ATRNL1: variants seen among roughly 807,000 people sequenced by gnomAD.
ATRNL1 encodes attractin like 1, also known as attractin-like protein 1.
ATRNL1 carries 95 observed loss-of-function variants against 182.7 expected under a neutral mutation model. The ratio of observed to expected loss-of-function variants is 0.52; its 90% confidence interval spans 0.44 to 0.62. The LOEUF (loss-of-function observed/expected upper bound fraction) is 0.62, where lower values mean the gene tolerates loss of function less well. ATRNL1 is among the 20% of genes least tolerant of loss of function. The pLI is 0.00. For synonymous variants in ATRNL1, 576 were observed against 568.3 expected, an observed-to-expected ratio of 1.01 and a Z score of -0.19; for missense variants, 1,471 against 1,679.5, an observed-to-expected ratio of 0.88 and a Z score of 2.17.
At chr10:115,334,637 A>G (rs1326813446) in intron 19 of ATRNL1, among the ~76,000 whole-genome samples, 1 of 152,336 alleles carries the variant, frequency 6.6e-6, no homozygotes, top group Admixed American at 6.5e-5. Context: ...AAATGAATGC[A>G]TGTTTCTTAT....
Position 115,804,303 on chromosome 10 carries a change from G to C in ATRNL1, c.3904-43574G>C, listed in dbSNP as rs573815941. On this transcript the variant is annotated intron_variant, in intron 27 of 28. Transcript: ENST00000355044. ...AAATACTTGAATTCATGCTATTATG[G>C]CCTGAATGTTTGTGTCCCTTTACAG... 5.9e-5 allele frequency among the ~76,000 whole-genome samples: 9 copies of C among 152,206 alleles called. No homozygotes were observed. The South Asian group carries it at 1.9e-3, about 32-fold the overall frequency.
intron 27 of ATRNL1, among the ~76,000 whole-genome samples, chr10:115,782,788 G>T (rs1555079595): frequency 6.6e-6 from 1 of 152,186 alleles, no homozygotes; most frequent in African/African-American, 2.4e-5. Flanking sequence ...CATAGCAGCA[G>T]TCATAAAAAT....
chr10:115,499,458 G>A lies in ATRNL1; in HGVS notation c.3655-19805G>A, dbSNP rs969571471. Among the ~76,000 whole-genome samples, 6 of 152,170 alleles carry A rather than the reference G, an allele frequency of 3.9e-5. No individual in the cohort carries two copies. In the South Asian group the frequency reaches 1.2e-3, roughly 32 times the overall value. On this transcript the variant is annotated intron_variant, in intron 24 of 28. Transcript: ENST00000355044. The stretch of plus-strand genomic sequence containing the variant: ...AGACAGGTGTCAGTTAATTTAGAAA[G>A]CTTATTTGCCAAGGTTGAGGACATG...
chr10:115,541,250 T>G (rs11197283), intron 25 of ATRNL1, among the ~76,000 whole-genome samples: 106,454 of 151,956 alleles, frequency 0.7, 38,391 homozygotes, highest in African/African-American at 0.79. Flanking sequence ...AAAATGACAA[T>G]AGACTGACAT....
intron 24 of ATRNL1, among the ~76,000 whole-genome samples, chr10:115,470,737 C>T (rs575644701): frequency 7.3e-5 from 11 of 150,248 alleles, no homozygotes; most frequent in South Asian, 2.1e-4. Flanking sequence ...ATTTGTGTAA[C>T]GAGGTTGAAA....
chr10:115,286,630 A>T (rs562826435), intron 15 of ATRNL1, among the ~76,000 whole-genome samples: 43 of 152,080 alleles, frequency 2.8e-4, no homozygotes, highest in African/African-American at 9.6e-4. Flanking sequence ...CCAAGAAGTG[A>T]TCTTATATGA....
At chr10:115,751,468 C>T (rs1041285390) in intron 27 of ATRNL1, among the ~76,000 whole-genome samples, 10 of 152,078 alleles carry the variant, frequency 6.6e-5, no homozygotes, top group Middle Eastern at 3.4e-3. Flanking sequence ...CAGGCACTTT[C>T]ATTTATTGTT....
chr10:115,216,574 TTA>T lies in ATRNL1; in HGVS notation c.1532+696_1532+697del, dbSNP rs549355717. ...CCTACTCATATCCATAATATTCTCT[TTA>T]TGTTTGAAATATTATTAATTAATTT... On this transcript the variant is annotated intron_variant, in intron 9 of 28. Coordinates refer to ENST00000355044, the MANE Select transcript of ATRNL1 (RefSeq NM_207303.4). Among the ~76,000 whole-genome samples, 8 of 152,246 alleles carry T rather than the reference TTA, an allele frequency of 5.3e-5. No individual in the cohort carries two copies. The South Asian group carries it at 1.4e-3, about 28-fold the overall frequency.
intron 8 of ATRNL1, among the ~76,000 whole-genome samples, chr10:115,196,629 T>G (rs1180965412): frequency 6.6e-6 from 1 of 152,076 alleles, no homozygotes; most frequent in Non-Finnish European, 1.5e-5. Context: ...TATACTGGTG[T>G]TGTACATAGT....
chr10:115,102,447 C>CAT, intron 1 of ATRNL1, among the ~76,000 whole-genome samples: 1 of 151,454 alleles, frequency 6.6e-6, no homozygotes, highest in African/African-American at 2.4e-5. Flanking sequence ...TATATATATA[C>CAT]ACATACATAT....
At chr10:115,267,417 G>A (rs1851653279) in intron 12 of ATRNL1, among the ~76,000 whole-genome samples, 2 of 151,328 alleles carry the variant, frequency 1.3e-5, no homozygotes, top group South Asian at 2.1e-4. Context: ...GTAAAAAAAT[G>A]TTACAGCATT....
chr10:115,255,990 C>G (rs990251032), intron 10 of ATRNL1, among the ~76,000 whole-genome samples: 1 of 152,166 alleles, frequency 6.6e-6, no homozygotes, highest in Admixed American at 6.5e-5. Flanking sequence ...ATAAAGCTGA[C>G]TTGATCGTGG....
At chr10:115,247,528 A>G (rs1421204929) in intron 10 of ATRNL1, among the ~76,000 whole-genome samples, 1 of 152,210 alleles carries the variant, frequency 6.6e-6, no homozygotes, top group Non-Finnish European at 1.5e-5. Context: ...CAAAAAAATA[A>G]CAAATGCTGG....
intron 28 of ATRNL1, among the ~76,000 whole-genome samples, chr10:115,878,545 G>T (rs1226463971): frequency 6.6e-6 from 1 of 152,128 alleles, no homozygotes; most frequent in Non-Finnish European, 1.5e-5. Flanking sequence ...GATTAATCTG[G>T]GGTACAAGTA....
intron 26 of ATRNL1, among the ~76,000 whole-genome samples, chr10:115,587,325 A>T (rs1374869591): frequency 2.0e-5 from 3 of 152,116 alleles, no homozygotes; most frequent in African/African-American, 7.2e-5. Flanking sequence ...TACCTGACCA[A>T]GCCTTGGCAA....
Position 115,516,638 on chromosome 10 carries a change from CTA to C in ATRNL1, c.3655-2623_3655-2622del, listed in dbSNP as rs372142161. Among the ~76,000 whole-genome samples the C allele has an allele frequency of 5.6e-3, 848 of 151,950 alleles. 9 individuals are homozygous for C. The highest frequency in any genetic ancestry group is 0.02 in the African/African-American group (816 of 41,530). On this transcript the variant is annotated intron_variant, in intron 24 of 28. Transcript: ENST00000355044. ...CGAACTCTTTGTCATGGCCAACGAC[CTA>C]TGTGACTTGCTTTTTGCTTTCTAAT...
At chr10:115,262,771 A>G (rs1023182841) in intron 10 of ATRNL1, among the ~76,000 whole-genome samples, 2 of 152,036 alleles carry the variant, frequency 1.3e-5, no homozygotes, top group African/African-American at 2.4e-5. Flanking sequence ...AATAACCTAT[A>G]CATGTGAAAA....
chr10:115,691,448 G>A lies in ATRNL1; in HGVS notation c.3796-35800G>A, dbSNP rs1352550506. Among the ~76,000 whole-genome samples, 3 of 152,156 alleles carry A rather than the reference G, an allele frequency of 2.0e-5. No individual in the cohort carries two copies. In the East Asian group the frequency reaches 5.8e-4, roughly 29 times the overall value. On this transcript the variant is annotated intron_variant, in intron 26 of 28. Transcript: ENST00000355044. ...GAAAAAATATCTATTCAGGCCAGGC[G>A]TGATGGCTCACGCCTGTAATTCCAG...
intron 24 of ATRNL1, among the ~76,000 whole-genome samples, chr10:115,508,609 T>A (rs1554981890): frequency 6.6e-6 from 1 of 152,034 alleles, no homozygotes; most frequent in African/African-American, 2.4e-5. Flanking sequence ...GAGAAAGTTT[T>A]AGTTGTCCGA....
Sources: allele counts gnomAD v4.1 joint callset (sites outside exome capture counted in the v4.1 genomes callset), GRCh38; gene constraint gnomAD v4.1.1; transcripts MANE v1.5; gene names NCBI Gene and HGNC (gene_info 2026-07-23, HGNC 2026-07-21).